The following OR51B5 variants were observed in gnomAD, a reference collection of about 807,000 sequenced individuals.
OR51B5 encodes the protein olfactory receptor family 51 subfamily B member 5.
For synonymous variants in OR51B5, 186 were observed against 144.8 expected, an observed-to-expected ratio of 1.28 and a Z score of -2.04; for missense variants, 456 against 374.6, an observed-to-expected ratio of 1.22 and a Z score of -1.79.
intron 1 of OR51B5, among the ~76,000 whole-genome samples, chr11:5,490,276 T>C (rs1313668134): frequency 6.6e-6 from 1 of 152,192 alleles, no homozygotes; most frequent in African/African-American, 2.4e-5. Context: ...AATAAATGAA[T>C]ATAAAATGAG....
chr11:5,486,588 C>T (rs1160755301), intron 1 of OR51B5, among the ~76,000 whole-genome samples: 1 of 152,160 alleles, frequency 6.6e-6, no homozygotes, highest in Non-Finnish European at 1.5e-5. Context: ...TCTAAGTTTG[C>T]CTAAGACATC....
chr11:5,455,728 T>C (rs1423523817), intron 1 of OR51B5: 1 of 152,110 alleles, frequency 6.6e-6, no homozygotes, highest in Non-Finnish European at 1.5e-5. Context: ...TTTTTTCTCT[T>C]TGTATTGAGG....
chr11:5,351,869 T>G (rs1385797450), intron 1 of OR51B5: 4 of 1,613,028 alleles, frequency 2.5e-6, no homozygotes, highest in African/African-American at 2.7e-5. Flanking sequence ...TATGACTGTT[T>G]CATTACCATC....
intron 1 of OR51B5, among the ~76,000 whole-genome samples, chr11:5,367,219 G>A (rs768299574): frequency 2.0e-5 from 3 of 152,192 alleles, no homozygotes; most frequent in Non-Finnish European, 4.4e-5. Flanking sequence ...GAAGTTAAAA[G>A]CATTGCCAGA....
chr11:5,432,980 G>A lies in OR51B5; in HGVS notation n.84+72589C>T, dbSNP rs772334023. On this transcript the variant is annotated intron_variant and non_coding_transcript_variant, in intron 1 of 4. Coordinates refer to the OR51B5 transcript ENST00000415970. ...CCATGTATCCCCATTCCACCTCAGA[G>A]AGGGAAAAATGTTTTGAATGAAAGT... Among the ~76,000 whole-genome samples, 3 of 152,118 alleles carry A rather than the reference G, an allele frequency of 2.0e-5. No individual in the cohort carries two copies. The South Asian group carries it at 6.2e-4, about 32-fold the overall frequency.
chr11:5,394,139 T>C (rs1189048544), intron 1 of OR51B5, among the ~76,000 whole-genome samples: 1 of 152,138 alleles, frequency 6.6e-6, no homozygotes, highest in Non-Finnish European at 1.5e-5. Context: ...ACTGAGTACC[T>C]TCTATTTTGC....
intron 1 of OR51B5, chr11:5,389,748 A>T: frequency 1.2e-6 from 2 of 1,613,216 alleles, no homozygotes; most frequent in Non-Finnish European, 1.7e-6. Flanking sequence ...TTCTGCATCC[A>T]CTCTTTTTCC....
intron 1 of OR51B5, among the ~76,000 whole-genome samples, chr11:5,441,976 A>T (rs1277126324): frequency 6.6e-6 from 1 of 152,078 alleles, no homozygotes; most frequent in Non-Finnish European, 1.5e-5. Context: ...CATAGCCAAA[A>T]ACTTTTCTAT....
chr11:5,456,889 T>C (rs1850968077), intron 1 of OR51B5, among the ~76,000 whole-genome samples: 1 of 152,124 alleles, frequency 6.6e-6, no homozygotes, highest in Non-Finnish European at 1.5e-5. Flanking sequence ...TGAAGTCTGG[T>C]TGTTTAAAAA....
intron 1 of OR51B5, among the ~76,000 whole-genome samples, chr11:5,462,046 C>G (rs912181136): frequency 6.6e-6 from 1 of 152,174 alleles, no homozygotes; most frequent in Non-Finnish European, 1.5e-5. Flanking sequence ...GCTCGTTAGG[C>G]CTTCCTCTAA....
At chr11:5,356,092 G>C (rs1849189911) in intron 1 of OR51B5, among the ~76,000 whole-genome samples, 1 of 152,126 alleles carries the variant, frequency 6.6e-6, no homozygotes, top group South Asian at 2.1e-4. Flanking sequence ...AAGGAATGCA[G>C]CTCCTCACCA....
intron 1 of OR51B5, among the ~76,000 whole-genome samples, chr11:5,460,845 A>G (rs1851039163): frequency 6.6e-6 from 1 of 152,198 alleles, no homozygotes; most frequent in Admixed American, 6.5e-5. Context: ...TCAAAGGGCC[A>G]AGGTTCAGCT....
rs74711232 is a variant in OR51B5 at position 5,372,863 on chromosome 11, A to C, written n.85-25953T>G. Among the ~76,000 whole-genome samples, 263 of 152,324 alleles carry C rather than the reference A, an allele frequency of 1.7e-3. 2 individuals are homozygous for C. Among genetic ancestry groups the C allele is most frequent in the African/African-American group, 6.1e-3 (255 of 41,582 alleles). On this transcript the variant is annotated intron_variant and non_coding_transcript_variant, in intron 1 of 4. Coordinates refer to the OR51B5 transcript ENST00000415970. ...ACCACAGAACACCCCCAAATGGCCA[A>C]AACAATCTTGAGAAAGAAAAACCAA...
Position 5,496,898 on chromosome 11 carries a change from T to G in OR51B5, n.84+8671A>C, listed in dbSNP as rs78365661. Among the ~76,000 whole-genome samples the G allele has an allele frequency of 9.2e-4, 140 of 152,294 alleles. 1 individual carries two copies. The East Asian group carries it at 0.025, about 27-fold the overall frequency. ...AGTCAAATGGTCCTCCTCCCGAGGA[T>G]AGTCCTAGACAGCACTTCATTAGAG... On this transcript the variant is annotated intron_variant and non_coding_transcript_variant, in intron 1 of 4. Transcript: ENST00000415970.
chr11:5,465,358 T>C (rs1449374404), intron 1 of OR51B5, among the ~76,000 whole-genome samples: 5 of 152,034 alleles, frequency 3.3e-5, no homozygotes, highest in South Asian at 2.1e-4. Flanking sequence ...TGGCCAGTGA[T>C]GGTGAGCATT....
upstream of OR51B5, among the ~76,000 whole-genome samples, chr11:5,344,496 G>C (rs1848959705): frequency 6.6e-6 from 1 of 152,062 alleles, no homozygotes; most frequent in Non-Finnish European, 1.5e-5. Flanking sequence ...CCCCAATACT[G>C]AGTGAGAGCT....
At chr11:5,423,736 C>T (rs964891298) in intron 1 of OR51B5, among the ~76,000 whole-genome samples, 1 of 152,022 alleles carries the variant, frequency 6.6e-6, no homozygotes, top group Non-Finnish European at 1.5e-5. Flanking sequence ...TACCTAACAC[C>T]CAAGTAATTT....
At chr11:5,442,964 T>G (rs1850713260) in intron 1 of OR51B5, among the ~76,000 whole-genome samples, 1 of 152,194 alleles carries the variant, frequency 6.6e-6, no homozygotes, top group Admixed American at 6.6e-5. Context: ...ATTTCTTCCT[T>G]GGCTTCTCCT....
intron 1 of OR51B5, among the ~76,000 whole-genome samples, chr11:5,444,948 G>A (rs1445824298): frequency 6.6e-6 from 1 of 152,118 alleles, no homozygotes; most frequent in African/African-American, 2.4e-5. Context: ...AATAGCCATA[G>A]CTCTCCTGAG....
Sources: allele counts gnomAD v4.1 joint callset (sites outside exome capture counted in the v4.1 genomes callset), GRCh38; gene constraint gnomAD v4.1.1; transcripts MANE v1.5; gene names NCBI Gene and HGNC (gene_info 2026-07-23, HGNC 2026-07-21).